RGS7: variants seen among roughly 807,000 people sequenced by gnomAD.
RGS7 encodes regulator of G-protein signaling 7.
Under a neutral mutation model 81.1 loss-of-function variants are expected in RGS7, and 27 were observed. The observed-to-expected ratio is 0.33, with a 90% CI of 0.25 to 0.46. The LOEUF (loss-of-function observed/expected upper bound fraction) is 0.46, where lower values mean the gene tolerates loss of function less well. Ranked by LOEUF, RGS7 falls within the 20% of genes least tolerant of loss-of-function variation. The probability of loss-of-function intolerance (pLI) is 1.00; values close to 1 mark genes in which losing one functional copy is unlikely to be tolerated. For missense variants in RGS7, 396 were observed against 607.4 expected, an observed-to-expected ratio of 0.65 and a Z score of 3.66; for synonymous variants, 208 against 207.7, an observed-to-expected ratio of 1.00 and a Z score of -0.01.
In RGS7 at chr1:240,858,982, T is replaced by C. The variant is rs180842966; in HGVS notation, c.609+9605A>G. ...GCAATGACTTTGTTTGCTTTGGGTA[T>C]TGGGGTAATGCTAGCCTCATAGAAT... On this transcript the variant is annotated intron_variant, in intron 9 of 18. Coordinates refer to ENST00000440928, the MANE Select transcript of RGS7 (RefSeq NM_001364886.1). Among the ~76,000 whole-genome samples, 71 of 152,168 alleles carry C rather than the reference T, an allele frequency of 4.7e-4. 1 individual carries two copies. The highest frequency in any genetic ancestry group is 7.6e-4 in the Non-Finnish European group (52 of 68,016).
At chr1:240,921,465 A>C (rs546909045) in intron 6 of RGS7, among the ~76,000 whole-genome samples, 1 of 152,216 alleles carries the variant, frequency 6.6e-6, no homozygotes, top group South Asian at 2.1e-4. Flanking sequence ...AAGGGTATAT[A>C]GTTTGATAAG....
chr1:241,090,824 G>C (rs1045173781), intron 3 of RGS7, among the ~76,000 whole-genome samples: 1 of 152,148 alleles, frequency 6.6e-6, no homozygotes, highest in Non-Finnish European at 1.5e-5. Flanking sequence ...CAAAAGCTCA[G>C]GTGTTTTTGA....
intron 3 of RGS7, among the ~76,000 whole-genome samples, chr1:241,034,850 T>C (rs1041030792): frequency 1.3e-5 from 2 of 152,160 alleles, no homozygotes; most frequent in African/African-American, 4.8e-5. Context: ...CAAGGATGAA[T>C]CAGTTGATGA....
chr1:241,175,033 G>A (rs2071022986), intron 2 of RGS7, among the ~76,000 whole-genome samples: 2 of 150,544 alleles, frequency 1.3e-5, no homozygotes, highest in Non-Finnish European at 2.9e-5. Context: ...CTCCTAAGTA[G>A]CTGGGATTAC....
chr1:240,976,959 C>T (rs1365826640), intron 4 of RGS7, among the ~76,000 whole-genome samples: 4 of 151,180 alleles, frequency 2.6e-5, no homozygotes, highest in Non-Finnish European at 5.9e-5. Context: ...TCTATATCTT[C>T]TATCATCTAT....
intron 9 of RGS7, among the ~76,000 whole-genome samples, chr1:240,834,013 C>T (rs1694276504): frequency 1.3e-5 from 2 of 152,224 alleles, no homozygotes; most frequent in South Asian, 2.1e-4. Context: ...TCTCCAACTC[C>T]TGGCCTCAAG....
intron 2 of RGS7, among the ~76,000 whole-genome samples, chr1:241,337,942 A>G (rs1181895492): frequency 6.6e-6 from 1 of 152,232 alleles, no homozygotes; most frequent in Non-Finnish European, 1.5e-5. Flanking sequence ...GTTAGTGTTT[A>G]ATTATAACAT....
chr1:240,872,094 T>C (rs1572521825), intron 6 of RGS7, among the ~76,000 whole-genome samples: 1 of 152,188 alleles, frequency 6.6e-6, no homozygotes, highest in Non-Finnish European at 1.5e-5. Flanking sequence ...TGTCCTATGA[T>C]GTGATTTTTC....
chr1:241,335,927 A>AGTGT (rs111535434), intron 2 of RGS7, among the ~76,000 whole-genome samples: 9,095 of 152,200 alleles, frequency 0.06, 752 homozygotes, highest in African/African-American at 0.18. Flanking sequence ...TGCTGATATG[A>AGTGT]GTGTGTGTTT....
intron 3 of RGS7, among the ~76,000 whole-genome samples, chr1:241,039,884 G>A (rs2060519494): frequency 6.6e-6 from 1 of 152,184 alleles, no homozygotes; most frequent in African/African-American, 2.4e-5. Context: ...GAAATTACAT[G>A]TTCAATAAAT....
intron 4 of RGS7, among the ~76,000 whole-genome samples, chr1:240,977,817 C>A (rs1572091585): frequency 6.6e-6 from 1 of 152,312 alleles, no homozygotes; most frequent in Non-Finnish European, 1.5e-5. Flanking sequence ...AGTGGGGCTG[C>A]ACTAATCAAA....
chr1:240,984,445 A>G (rs1558558362), intron 3 of RGS7, among the ~76,000 whole-genome samples: 1 of 152,222 alleles, frequency 6.6e-6, no homozygotes, highest in Non-Finnish European at 1.5e-5. Context: ...GGTTATAAGT[A>G]GGAGAGATTA....
At chr1:240,967,212 A>C (rs1285798285) in intron 4 of RGS7, among the ~76,000 whole-genome samples, 2 of 152,216 alleles carry the variant, frequency 1.3e-5, no homozygotes, top group African/African-American at 4.8e-5. Flanking sequence ...AGCGTGGCTA[A>C]GAGTAAAATG....
intron 2 of RGS7, among the ~76,000 whole-genome samples, chr1:241,351,971 C>T (rs749057744): frequency 2.0e-5 from 3 of 152,056 alleles, no homozygotes; most frequent in Non-Finnish European, 4.4e-5. Context: ...CCCAAGGTGA[C>T]CTAGAAATTT....
rs142772060 is a variant in RGS7 at position 240,973,745 on chromosome 1, G to A, written c.226+9334C>T. ...GCTGGGACTACAGGGGCCCACCACC[G>A]CGCCCGGCTAATTTTTTTTTCTATT... On this transcript the variant is annotated intron_variant, in intron 4 of 18. Transcript: ENST00000440928. Among the ~76,000 whole-genome samples, 978 of 151,760 alleles carry A rather than the reference G, an allele frequency of 6.4e-3. 13 individuals are homozygous for A. Among genetic ancestry groups the A allele is most frequent in the African/African-American group, 0.022 (930 of 41,416 alleles).
chr1:241,128,777 C>CA lies in RGS7; in HGVS notation c.79-30016dup, dbSNP rs71172680. On this transcript the variant is annotated intron_variant, in intron 2 of 18. Transcript: ENST00000440928. ...CTATTTGGACATGCAGAATAATAGG[C>CA]AAAAAAAAAAAAAAAAAAAAAACTC... Among the ~76,000 whole-genome samples the CA allele has an allele frequency of 9.2e-3, 716 of 77,896 alleles. 17 individuals carry two copies. The highest frequency in any genetic ancestry group is 0.02 in the African/African-American group (463 of 23,000). The allele number at this position is 77,896 out of a possible 152,430, so 51.1% of individuals were successfully genotyped here.
chr1:241,281,085 A>G (rs2078478610), intron 2 of RGS7, among the ~76,000 whole-genome samples: 2 of 152,184 alleles, frequency 1.3e-5, no homozygotes, highest in Non-Finnish European at 2.9e-5. Context: ...TATGCCATAA[A>G]TGCATAAAAT....
chr1:240,814,695 C>A lies in RGS7; in HGVS notation c.845+21G>T, dbSNP rs374276023. Reference sequence around the variant, plus strand: ...GTCATATGAAATTTTAAAATTTATACAGACACTTTGAAATACTCACCTGTC... The same window carrying A: ...GTCATATGAAATTTTAAAATTTATAAAGACACTTTGAAATACTCACCTGTC... On this transcript the variant is annotated intron_variant, in intron 12 of 18. Coordinates refer to ENST00000440928, the MANE Select transcript of RGS7 (RefSeq NM_001364886.1). 2.7e-6 allele frequency: 4 copies of A among 1,477,136 alleles called. No homozygotes were observed. The South Asian group carries it at 4.5e-5, about 17-fold the overall frequency. The allele number at this position is 1,477,136 out of a possible 1,614,324, so 91.5% of individuals were successfully genotyped here.
intron 3 of RGS7, among the ~76,000 whole-genome samples, chr1:241,000,693 C>A (rs1490405687): frequency 6.6e-6 from 1 of 151,876 alleles, no homozygotes; most frequent in African/African-American, 2.4e-5. Context: ...GTCACCTAGG[C>A]TGGAGTTTAA....
Sources: allele counts gnomAD v4.1 joint callset (sites outside exome capture counted in the v4.1 genomes callset), GRCh38; gene constraint gnomAD v4.1.1; transcripts MANE v1.5; gene names NCBI Gene and HGNC (gene_info 2026-07-23, HGNC 2026-07-21).